Variants in ADCK1 observed in about 807,000 individuals in gnomAD.
The protein encoded by ADCK1 is aarF domain containing kinase 1, also known as aarF domain-containing protein kinase 1.
ADCK1 carries 41 observed loss-of-function variants against 52.3 expected under a neutral mutation model. The ratio of observed to expected loss-of-function variants is 0.78; its 90% CI spans 0.61 to 1.02. The LOEUF is 1.02. ADCK1 is among the 50% of genes least tolerant of loss of function. The pLI, the probability that ADCK1 is intolerant of heterozygous loss-of-function variation, is 0.00. For missense variants in ADCK1, 658 were observed against 679.5 expected (o/e 0.97, Z 0.35); for synonymous variants, 250 against 274.6 (o/e 0.91, Z 0.89).
chr14:77,839,681 C>G (rs1225385369), intron 3 of ADCK1, among the ~76,000 whole-genome samples: 1 of 152,014 alleles, frequency 6.6e-6, no homozygotes, highest in African/African-American at 2.4e-5. Flanking sequence ...GGCCTGTAAT[C>G]CCAGCACTTT....
At chr14:77,870,241 G>T (rs1423817181) in intron 4 of ADCK1, among the ~76,000 whole-genome samples, 1 of 152,232 alleles carries the variant, frequency 6.6e-6, no homozygotes, top group African/African-American at 2.4e-5. Flanking sequence ...CTATGTTCAT[G>T]TAGCCAGTAA....
intron 6 of ADCK1, among the ~76,000 whole-genome samples, chr14:77,907,281 A>G (rs1357944044): frequency 2.0e-5 from 3 of 152,280 alleles, no homozygotes; most frequent in South Asian, 4.1e-4. Context: ...TTAATATCCA[A>G]TGTTGTCTGC....
intron 3 of ADCK1, among the ~76,000 whole-genome samples, chr14:77,853,889 G>A (rs1484168244): frequency 6.6e-6 from 1 of 152,158 alleles, no homozygotes; most frequent in African/African-American, 2.4e-5. Flanking sequence ...CAATTGAGGA[G>A]TCTTCTGGTC....
intron 1 of ADCK1, among the ~76,000 whole-genome samples, chr14:77,812,824 A>G (rs1284715649): frequency 6.6e-6 from 1 of 151,804 alleles, no homozygotes; most frequent in African/African-American, 2.4e-5. Flanking sequence ...TCCTGGGCTC[A>G]AGTGATCTGC....
intron 4 of ADCK1, among the ~76,000 whole-genome samples, chr14:77,876,248 C>T (rs1594992429): frequency 6.6e-6 from 1 of 152,202 alleles, no homozygotes; most frequent in East Asian, 1.9e-4. Context: ...ACCTGCCTCC[C>T]TTGGCTTGTG....
In ADCK1 at chr14:77,923,640, C is replaced by G. The variant is rs2084114650; in HGVS notation, c.859-817C>G. ...CGTGTCAGCTTTCTGGGTCGAGCAT[C>G]TCTTTGTTCCCTGGAAACCTGTCAA... On this transcript the variant is annotated intron_variant, in intron 7 of 10. Transcript: ENST00000238561. The surrounding 1 kb of genome is among the most constrained non-coding windows in gnomAD (Gnocchi z 4.3). The G allele has an allele frequency of 6.6e-6, 1 of 152,230 alleles. No individual in the cohort carries two copies. Among genetic ancestry groups the G allele is most frequent in the Admixed American group, 6.5e-5 (1 of 15,270 alleles). 9.4% of individuals were successfully genotyped at this position (152,230 alleles called of 1,614,324 possible).
intron 3 of ADCK1, among the ~76,000 whole-genome samples, chr14:77,826,469 A>T (rs886473954): frequency 6.6e-6 from 1 of 152,206 alleles, no homozygotes; most frequent in East Asian, 1.9e-4. Context: ...CTAAGAGCCA[A>T]CGTGAAGTGT....
chr14:77,830,602 A>AT (rs561633979), intron 3 of ADCK1, among the ~76,000 whole-genome samples: 44 of 147,316 alleles, frequency 3.0e-4, no homozygotes, highest in South Asian at 6.6e-4. Flanking sequence ...CAGTTATTGA[A>AT]TTTTTTTTTT....
At chr14:77,842,892 C>T (rs867098921) in intron 3 of ADCK1, among the ~76,000 whole-genome samples, 1 of 122,658 alleles carries the variant, frequency 8.2e-6, no homozygotes, top group Non-Finnish European at 1.8e-5. Flanking sequence ...TTCTTTCTTT[C>T]TTTTTTTTTT....
intron 7 of ADCK1, among the ~76,000 whole-genome samples, chr14:77,911,678 A>ATGT (rs906184550): frequency 3.3e-5 from 5 of 151,600 alleles, no homozygotes; most frequent in African/African-American, 1.2e-4. Flanking sequence ...AGTGAGATGA[A>ATGT]TGTTGTTGTT....
chr14:77,852,669 A>ATATATATATTTATATATATATATATATAT (rs1555351626), intron 3 of ADCK1, among the ~76,000 whole-genome samples: 1 of 9,408 alleles, frequency 1.1e-4, no homozygotes, highest in East Asian at 5.7e-3. Flanking sequence ...AAATATATAT[A>ATATATATATTTATATATATATATATATAT]TATATATATA....
rs989761615 is a variant in ADCK1 at position 77,844,208 on chromosome 14, G to C, written c.220-14868G>C. On this transcript the variant is annotated intron_variant, in intron 3 of 10. Transcript: ENST00000238561. ...CAATTCTTGTGCTTCAACTTCCCAA[G>C]TAGCTGGGACTACAAGCGCACACCA... is the stretch of plus-strand genomic sequence containing the variant. Among the ~76,000 whole-genome samples, 7 of 152,040 alleles carry C rather than the reference G, an allele frequency of 4.6e-5. 1 individual carries two copies. Among genetic ancestry groups the C allele is most frequent in the Non-Finnish European group, 1.0e-4 (7 of 68,026 alleles).
intron 1 of ADCK1, among the ~76,000 whole-genome samples, chr14:77,814,139 C>T (rs374151750): frequency 2.5e-4 from 38 of 150,600 alleles, no homozygotes; most frequent in Admixed American, 6.6e-4. Flanking sequence ...GGTGCAGTGG[C>T]GCAATCTCAG....
chr14:77,813,584 C>G (rs2081379328), intron 1 of ADCK1, among the ~76,000 whole-genome samples: 1 of 152,144 alleles, frequency 6.6e-6, no homozygotes, highest in African/African-American at 2.4e-5. Flanking sequence ...GCTGGGATTA[C>G]AGGCATGAGC....
At chr14:77,847,087 G>A (rs2082186616) in intron 3 of ADCK1, among the ~76,000 whole-genome samples, 1 of 152,154 alleles carries the variant, frequency 6.6e-6, no homozygotes, top group Non-Finnish European at 1.5e-5. Context: ...CAGGCTGAGA[G>A]GATTTTTCGC....
intron 8 of ADCK1, among the ~76,000 whole-genome samples, chr14:77,925,403 G>A: frequency 6.6e-6 from 1 of 152,220 alleles, no homozygotes; most frequent in Admixed American, 6.5e-5. Context: ...AGCCTGCAGG[G>A]GAAAGTTTCT....
intron 6 of ADCK1, among the ~76,000 whole-genome samples, chr14:77,900,295 A>G (rs2083505139): frequency 6.6e-6 from 1 of 152,020 alleles, no homozygotes; most frequent in Non-Finnish European, 1.5e-5. Context: ...GTCCTTTGAA[A>G]TGGGACGGAG....
intron 7 of ADCK1, among the ~76,000 whole-genome samples, chr14:77,920,172 T>C (rs188001539): frequency 2.5e-4 from 38 of 152,364 alleles, no homozygotes; most frequent in South Asian, 2.3e-3. Context: ...ATGAAATCTT[T>C]GCTTAAGCCA....
intron 7 of ADCK1, among the ~76,000 whole-genome samples, chr14:77,916,082 C>G (rs2083918434): frequency 6.6e-6 from 1 of 152,038 alleles, no homozygotes; most frequent in Non-Finnish European, 1.5e-5. Flanking sequence ...GGGAAGAAAC[C>G]CTTTCCCCAT....
Sources: gnomAD v4.1 joint callset for allele counts (sites outside exome capture counted in the v4.1 genomes callset) on GRCh38, gnomAD v4.1.1 for gene constraint, Gnocchi (gnomAD v3.1) non-coding constraint, MANE v1.5 for transcripts, NCBI Gene and HGNC (gene_info 2026-07-23, HGNC 2026-07-21) for gene names.